Variants in WWOX observed in about 807,000 individuals in gnomAD.
WWOX encodes the protein WW domain-containing oxidoreductase.
In WWOX, 69 loss-of-function variants were observed where a neutral mutation model predicts 46.2. The ratio of observed to expected loss-of-function variants is 1.49; its 90% CI spans 1.23 to 1.82. WWOX has a LOEUF of 1.82. WWOX is among the 40% of genes most tolerant of loss of function. WWOX has a pLI of 0.00. For synonymous variants in WWOX, 359 were observed against 202.6 expected, an observed-to-expected ratio of 1.77 and a Z score of -6.56; for missense variants, 919 against 542.6, an observed-to-expected ratio of 1.69 and a Z score of -6.89.
At chr16:78,269,671 G>C (rs1236974041) in intron 5 of WWOX, among the ~76,000 whole-genome samples, 1 of 152,144 alleles carries the variant, frequency 6.6e-6, no homozygotes, top group African/African-American at 2.4e-5. Context: ...GAATCAATTT[G>C]CTCCTCTAAT....
intron 8 of WWOX, among the ~76,000 whole-genome samples, chr16:78,677,807 C>T (rs990402181): frequency 1.3e-5 from 2 of 152,190 alleles, no homozygotes; most frequent in African/African-American, 4.8e-5. Flanking sequence ...TGGTCAGTGA[C>T]ATCACATTGT....
chr16:78,191,539 T>C (rs925889401), intron 5 of WWOX, among the ~76,000 whole-genome samples: 1 of 152,226 alleles, frequency 6.6e-6, no homozygotes, highest in African/African-American at 2.4e-5. Context: ...GTTTTGTACA[T>C]ATTATATATA....
At chr16:78,853,181 G>A (rs946431894) in intron 8 of WWOX, among the ~76,000 whole-genome samples, 17 of 152,032 alleles carry the variant, frequency 1.1e-4, no homozygotes, top group African/African-American at 3.9e-4. Flanking sequence ...TATAGCCATG[G>A]CAAATGCATA....
rs1394055352 is a variant in WWOX, at chr16:78,769,612, G to A, written c.1056+336860G>A. On this transcript the variant is annotated intron_variant, in intron 8 of 8. Transcript: ENST00000566780. ...ACCATGTCTGTTACTCCATCAGTCA[G>A]GATCCAGTTAGGAGACAGAAACTAT... is the stretch of plus-strand genomic sequence containing the variant. Among the ~76,000 whole-genome samples the A allele has an allele frequency of 2.7e-5, 4 of 147,568 alleles. No homozygotes were observed. In the East Asian group the frequency reaches 8.0e-4, roughly 29 times the overall value.
At chr16:78,984,623 A>T (rs2046748680) in intron 8 of WWOX, among the ~76,000 whole-genome samples, 1 of 152,248 alleles carries the variant, frequency 6.6e-6, no homozygotes, top group Non-Finnish European at 1.5e-5. Flanking sequence ...CAAGTAAGTC[A>T]ATGTTTCTGT....
intron 5 of WWOX, among the ~76,000 whole-genome samples, chr16:78,219,100 C>G (rs2036810988): frequency 6.6e-6 from 1 of 151,956 alleles, no homozygotes; most frequent in Non-Finnish European, 1.5e-5. Context: ...TGAAACACAC[C>G]AGATGGAATT....
chr16:78,733,543 C>T lies in WWOX; in HGVS notation c.1056+300791C>T, dbSNP rs565514107. ...TGGGCGGATCACGAGGTCAGGAGAT[C>T]GAGACCAGCCTGGCCAACATGATGA... On this transcript the variant is annotated intron_variant, in intron 8 of 8. Transcript: ENST00000566780. 1.0e-4 allele frequency among the ~76,000 whole-genome samples: 15 copies of T among 150,500 alleles called. No individual in the cohort carries two copies. In the East Asian group the frequency reaches 1.6e-3, roughly 16 times the overall value.
intron 8 of WWOX, among the ~76,000 whole-genome samples, chr16:78,442,670 T>A (rs2083470493): frequency 6.6e-6 from 1 of 152,104 alleles, no homozygotes; most frequent in African/African-American, 2.4e-5. Flanking sequence ...ATTCTCCCTG[T>A]TAACATTGAA....
At chr16:78,960,332 A>G (rs1277076746) in intron 8 of WWOX, among the ~76,000 whole-genome samples, 3 of 152,200 alleles carry the variant, frequency 2.0e-5, no homozygotes, top group African/African-American at 2.4e-5. Flanking sequence ...GGCTTGTGGT[A>G]TATTCAAAAC....
intron 8 of WWOX, among the ~76,000 whole-genome samples, chr16:78,924,937 G>T (rs1365817561): frequency 6.6e-6 from 1 of 152,276 alleles, no homozygotes; most frequent in East Asian, 1.9e-4. Flanking sequence ...GTTCATGCTT[G>T]TAATTCCAGC....
At chr16:78,560,772 A>T (rs1004974918) in intron 8 of WWOX, among the ~76,000 whole-genome samples, 1 of 152,356 alleles carries the variant, frequency 6.6e-6, no homozygotes, top group Middle Eastern at 3.4e-3. Context: ...TGAATTTTAT[A>T]CTCTGAAGGC....
At chr16:78,314,708 T>G (rs963328594) in intron 5 of WWOX, among the ~76,000 whole-genome samples, 31 of 74,342 alleles carry the variant, frequency 4.2e-4, no homozygotes, top group Admixed American at 1.9e-3. Flanking sequence ...TTTGTTTTTT[T>G]TTTTTTTTTT....
chr16:78,209,739 TAAA>T (rs5818116), intron 5 of WWOX, among the ~76,000 whole-genome samples: 105 of 145,782 alleles, frequency 7.2e-4, no homozygotes, highest in Non-Finnish European at 8.0e-4. Context: ...TTGCGGAGAT[TAAA>T]AAAAAAAAAA....
rs771630105 is a variant in WWOX at position 78,950,726 on chromosome 16, G to A, written c.1057-260882G>A. Among the ~76,000 whole-genome samples the A allele has an allele frequency of 2.6e-5, 4 of 152,220 alleles. No homozygotes were observed. The East Asian group carries it at 5.8e-4, about 22-fold the overall frequency. On this transcript the variant is annotated intron_variant, in intron 8 of 8. Transcript: ENST00000566780. Reference sequence around the variant, plus strand: ...GTAATGGTTTCTCTTAGACACTCACGGTGATAAAATTGGGAGTTTTCAAAT... The same window carrying A: ...GTAATGGTTTCTCTTAGACACTCACAGTGATAAAATTGGGAGTTTTCAAAT...
Position 78,747,329 on chromosome 16 carries a change from G to C in WWOX, c.1056+314577G>C, listed in dbSNP as rs141755212. Among the ~76,000 whole-genome samples the C allele has an allele frequency of 1.8e-3, 280 of 151,896 alleles. 1 individual carries two copies. Among genetic ancestry groups the C allele is most frequent in the African/African-American group, 6.2e-3 (257 of 41,434 alleles). On this transcript the variant is annotated intron_variant, in intron 8 of 8. Coordinates refer to ENST00000566780, the MANE Select transcript of WWOX (RefSeq NM_016373.4). ...GCCTCAGCCTCCCAAATTGCTGAGA[G>C]TACAGGCATCTGCGACCACACCTGT...
intron 8 of WWOX, among the ~76,000 whole-genome samples, chr16:78,496,766 G>A (rs1245439136): frequency 2.0e-5 from 3 of 152,204 alleles, no homozygotes; most frequent in African/African-American, 7.2e-5. Context: ...TGCATTTGCT[G>A]TGCCCAGGGA....
At chr16:78,106,360 G>C (rs1369444566) in intron 1 of WWOX, among the ~76,000 whole-genome samples, 3 of 151,354 alleles carry the variant, frequency 2.0e-5, no homozygotes, top group African/African-American at 7.3e-5. Flanking sequence ...TATTCCCACT[G>C]TGCCAGCAGA....
chr16:78,435,876 C>A (rs1567572467), intron 8 of WWOX, among the ~76,000 whole-genome samples: 1 of 152,136 alleles, frequency 6.6e-6, no homozygotes, highest in African/African-American at 2.4e-5. Context: ...CATATAACAT[C>A]AATAATGATG....
intron 8 of WWOX, among the ~76,000 whole-genome samples, chr16:79,177,986 A>G (rs1054670232): frequency 2.6e-5 from 4 of 152,172 alleles, no homozygotes; most frequent in Admixed American, 2.6e-4. Context: ...TGGCTCATAG[A>G]TGATGACTTC....
Sources: allele counts gnomAD v4.1 joint callset (sites outside exome capture counted in the v4.1 genomes callset), GRCh38; gene constraint gnomAD v4.1.1; transcripts MANE v1.5; gene names NCBI Gene and HGNC (gene_info 2026-07-23, HGNC 2026-07-21).